The following CROCC2 variants were observed in gnomAD, a reference collection of about 807,000 sequenced individuals.
The protein encoded by CROCC2 is ciliary rootlet coiled-coil, rootletin family member 2, also known as ciliary rootlet coiled-coil protein 2.
In CROCC2, 163 loss-of-function variants were observed where a neutral mutation model predicts 177.6. The ratio of observed to expected loss-of-function variants is 0.92; its 90% CI spans 0.81 to 1.05. The LOEUF is 1.05. Among genes scored for constraint, CROCC2 ranks in the 50% least tolerant of loss-of-function variants. The pLI, the probability that CROCC2 is intolerant of heterozygous loss-of-function variation, is 0.00. For synonymous variants in CROCC2, 904 were observed against 787.3 expected, an observed-to-expected ratio of 1.15 and a Z score of -2.48; for missense variants, 1,929 against 1,797.8, an observed-to-expected ratio of 1.07 and a Z score of -1.32.
rs549477884 is a variant in CROCC2 at position 240,928,059 on chromosome 2, G to A, written c.646-2107G>A. ...AATATCTGAAATTCTTTAAGGTCTG[G>A]TTCTATTGTTTCTGCTGGTTTCTGA... On this transcript the variant is annotated intron_variant, in intron 5 of 31. Transcript: ENST00000690015. 1.6e-4 allele frequency among the ~76,000 whole-genome samples: 24 copies of A among 152,324 alleles called. No homozygotes were observed. The South Asian group carries it at 4.6e-3, about 29-fold the overall frequency.
Position 240,963,771 on chromosome 2 carries a change from C to T in CROCC2, c.3303C>T (p.Ala1101=), listed in dbSNP as rs1340244027. 1.9e-6 allele frequency: 3 copies of T among 1,548,062 alleles called. No homozygotes were observed. In the South Asian group the frequency reaches 3.6e-5, roughly 18 times the overall value. The change falls in exon 21 of 32, where the codon GCC becomes GCT. Residue 1101 remains alanine, a splice_region_variant and synonymous_variant. Transcript: ENST00000690015. ...ATICRAEQEK[A]SFKRSKEEKE... is the part of the protein sequence containing the mutation. ...TCTGCAGGGCCGAACAGGAGAAGGC[C>T]AGGTATGGCGGCCACCCAGGAGCAG...
intron 18 of CROCC2, chr2:240,950,726 T>A (rs1353217470): frequency 7.7e-6 from 4 of 517,084 alleles, no homozygotes; most frequent in Non-Finnish European, 1.4e-5. Flanking sequence ...CATCCACCCA[T>A]CCACTTGCCC....
intron 28 of CROCC2, among the ~76,000 whole-genome samples, chr2:240,986,270 G>C (rs1026515415): frequency 6.6e-6 from 1 of 152,332 alleles, no homozygotes; most frequent in African/African-American, 2.4e-5. Flanking sequence ...CCCCGCGGAA[G>C]CTGTGCCCAC....
Position 240,963,697 on chromosome 2 carries a change from C to T in CROCC2, c.3229C>T (p.Arg1077Cys), listed in dbSNP as rs1239782500. ...CCGCCGGGCGCTGAGTGACGAGGCC[C>T]GCGAGAAGGACGTACTGTTGCTTTT... ...EARRALSDEA[R>C]EKDVLLLFNS... The change falls in exon 21 of 32, where the codon CGC becomes TGC. Residue 1077 changes from arginine to cysteine, a missense_variant. Coordinates refer to ENST00000690015, the MANE Select transcript of CROCC2 (RefSeq NM_001351305.2). 4.9e-5 allele frequency: 76 copies of T among 1,550,120 alleles called. No individual in the cohort carries two copies. Among genetic ancestry groups the T allele is most frequent in the Non-Finnish European group, 6.1e-5 (70 of 1,146,818 alleles).
At chr2:240,952,419 A>G (rs559944540) in intron 18 of CROCC2, among the ~76,000 whole-genome samples, 1 of 152,296 alleles carries the variant, frequency 6.6e-6, no homozygotes, top group East Asian at 1.9e-4. Flanking sequence ...GATTCTTGCA[A>G]CACTCTGAGG....
chr2:240,957,206 C>T (rs1450760653), intron 19 of CROCC2, among the ~76,000 whole-genome samples: 2 of 152,198 alleles, frequency 1.3e-5, no homozygotes, highest in Non-Finnish European at 2.9e-5. Context: ...ACACACACCC[C>T]ATTAGCTGGG....
chr2:240,983,226 G>T (rs770518326), intron 28 of CROCC2, 197 bp downstream of exon 28: 8 of 855,554 alleles, frequency 9.4e-6, no homozygotes, highest in Non-Finnish European at 1.4e-5. Context: ...GGGAAACTGA[G>T]CCTGGAGGGG....
intron 14 of CROCC2, among the ~76,000 whole-genome samples, chr2:240,945,330 AT>A (rs1301354031): frequency 6.6e-6 from 1 of 152,220 alleles, no homozygotes; most frequent in Non-Finnish European, 1.5e-5. Context: ...TTCGGTGTCT[AT>A]GAAGGATGGT....
chr2:240,938,380 G>A (rs1473584189), intron 14 of CROCC2, among the ~76,000 whole-genome samples: 2 of 152,056 alleles, frequency 1.3e-5, no homozygotes, highest in African/African-American at 2.4e-5. Flanking sequence ...GAAAATAAAC[G>A]GATCATATAT....
intron 25 of CROCC2, 77 bp downstream of exon 25, chr2:240,966,486 A>C (rs1008222492): frequency 5.0e-6 from 2 of 398,526 alleles, no homozygotes; most frequent in African/African-American, 2.1e-5. Context: ...CTGTCCATCC[A>C]TCCGCGCGTC....
At chr2:240,990,936 G>A (rs2059874948) in intron 30 of CROCC2, among the ~76,000 whole-genome samples, 1 of 152,236 alleles carries the variant, frequency 6.6e-6, no homozygotes, top group Admixed American at 6.5e-5. Flanking sequence ...ATCCACCAAG[G>A]GTGCGCGGTG....
In CROCC2 at chr2:240,988,866, T is replaced by C; in HGVS notation, c.4679T>C (p.Leu1560Pro). Residue 1560 changes from leucine to proline, a missense_variant, in exon 29 of 32, where the codon CTG becomes CCG. Physicochemically the swap from Leu to Pro is moderately conservative, Grantham distance 98 (BLOSUM62 -3). Coordinates refer to ENST00000690015, the MANE Select transcript of CROCC2 (RefSeq NM_001351305.2). ...VDGALRQNQQ[L>P]QAQMTEMEQA... ...GGAGCCCTGAGGCAAAATCAGCAGC[T>C]GCAGGTCAACTGGGCCAGTGGAGCT... The C allele has an allele frequency of 6.8e-7, 1 of 1,478,614 alleles. No individual in the cohort carries two copies. The highest frequency in any genetic ancestry group is 9.0e-7 in the Non-Finnish European group (1 of 1,106,076). 91.6% of individuals were successfully genotyped at this position (1,478,614 alleles called of 1,614,324 possible).
At position 240,925,721 on chromosome 2, in the gene CROCC2, C is replaced by G. The variant is rs535528559; in HGVS notation, c.489-3C>G. On this transcript the variant is annotated splice_region_variant and splice_polypyrimidine_tract_variant and intron_variant, in intron 4 of 31. Coordinates refer to ENST00000690015, the MANE Select transcript of CROCC2 (RefSeq NM_001351305.2). ...CACCATGCCCTGTGGGTTCTCTGTC[C>G]AGGAGCACCGGCCTCTGTCAGGTGA... The G allele has an allele frequency of 1.1e-5, 8 of 714,328 alleles. No homozygotes were observed. Among genetic ancestry groups the G allele is most frequent in the Non-Finnish European group, 2.1e-5 (8 of 383,562 alleles). The allele number at this position is 714,328 out of a possible 1,614,324, so 44.2% of individuals were successfully genotyped here.
Position 240,982,839 on chromosome 2 carries a change from C to G in CROCC2, c.4402-41C>G. On this transcript the variant is annotated intron_variant, in intron 27 of 31. Transcript: ENST00000690015. This position sits in a 1 kb window ranked among gnomAD's most constrained non-coding sequence, Gnocchi z 4.7. ...GGGTTTCCCTGCAGGGCCTCCCACCCCCAGTGTCTCCAGGTGGACCCTGTG... is the reference window on the plus strand; with the variant it reads ...GGGTTTCCCTGCAGGGCCTCCCACCGCCAGTGTCTCCAGGTGGACCCTGTG... The G allele has an allele frequency of 4.6e-6, 7 of 1,524,792 alleles. No individual in the cohort carries two copies. Among genetic ancestry groups the G allele is most frequent in the Non-Finnish European group, 6.2e-6 (7 of 1,131,578 alleles). 94.5% of individuals were successfully genotyped at this position (1,524,792 alleles called of 1,614,324 possible).
In CROCC2 at chr2:240,958,203, G is replaced by C. The variant is rs2059605920; in HGVS notation, c.2944-1098G>C. 9.1e-6 allele frequency: 9 copies of C among 985,118 alleles called. No individual in the cohort carries two copies. Among genetic ancestry groups the C allele is most frequent in the Middle Eastern group, 5.2e-4 (1 of 1,910 alleles). The allele number at this position is 985,118 out of a possible 1,614,324, so 61.0% of individuals were successfully genotyped here. A position where few individuals can be genotyped will look rare whatever the true frequency, so the allele number is the denominator to read the frequency against. On this transcript the variant is annotated intron_variant, in intron 19 of 31. Transcript: ENST00000690015. The surrounding 1 kb of genome is among the most constrained non-coding windows in gnomAD (Gnocchi z 6.7). ...AGGACAGCGTGCGCCCCTAGGCTGAGTCACCACTGCCATCGGGCTCCCAGC... is the reference window on the plus strand; with the variant it reads ...AGGACAGCGTGCGCCCCTAGGCTGACTCACCACTGCCATCGGGCTCCCAGC...
chr2:240,972,942 C>T lies in CROCC2; in HGVS notation c.4401+4680C>T, dbSNP rs570147725. Among the ~76,000 whole-genome samples the T allele has an allele frequency of 6.6e-5, 10 of 152,220 alleles. No homozygotes were observed. The East Asian group carries it at 2.0e-3, about 30-fold the overall frequency. On this transcript the variant is annotated intron_variant, in intron 27 of 31. Coordinates refer to ENST00000690015, the MANE Select transcript of CROCC2 (RefSeq NM_001351305.2). This position sits in a 1 kb window ranked among gnomAD's most constrained non-coding sequence, Gnocchi z 7.1. Reference sequence around the variant, plus strand: ...GCAGAGAGCTCAGGGTTGAAATTTTCTAGCCAGCCAGGGGGCTGGGAACAT... The same window carrying T: ...GCAGAGAGCTCAGGGTTGAAATTTTTTAGCCAGCCAGGGGGCTGGGAACAT...
At chr2:240,961,803 A>G (rs797019873) in intron 20 of CROCC2, among the ~76,000 whole-genome samples, 2 of 76,244 alleles carry the variant, frequency 2.6e-5, no homozygotes, top group African/African-American at 6.5e-5. Context: ...ACTCACACAT[A>G]CACTCACATA....
At chr2:240,921,004 C>G (rs1254928555) in intron 3 of CROCC2, among the ~76,000 whole-genome samples, 1 of 152,200 alleles carries the variant, frequency 6.6e-6, no homozygotes, top group African/African-American at 2.4e-5. Flanking sequence ...GTCAGATGAC[C>G]CCACTTTCCA....
chr2:240,931,253 G>A lies in CROCC2; in HGVS notation c.947+125G>A. 4 of 600,208 alleles carry A rather than the reference G, an allele frequency of 6.7e-6. No homozygotes were observed. In the Admixed American group the frequency reaches 1.1e-4, roughly 17 times the overall value. 37.2% of individuals were successfully genotyped at this position (600,208 alleles called of 1,614,324 possible). ...GTTCCAGGGCAGGTGGGGCCCTGAT[G>A]TCACTGGTGGTGCACACTCTTCAGA... On this transcript the variant is annotated intron_variant, in intron 7 of 31. Coordinates refer to ENST00000690015, the MANE Select transcript of CROCC2 (RefSeq NM_001351305.2).
Sources: allele counts gnomAD v4.1 joint callset (sites outside exome capture counted in the v4.1 genomes callset), GRCh38; gene constraint gnomAD v4.1.1; non-coding constraint Gnocchi (gnomAD v3.1); transcripts MANE v1.5; gene names NCBI Gene and HGNC (gene_info 2026-07-23, HGNC 2026-07-21).